NCOA1: variants seen among roughly 807,000 people sequenced by gnomAD.
NCOA1 encodes Hin-2 protein.
Under a neutral mutation model 150.9 loss-of-function variants are expected in NCOA1, and 35 were observed. That is an observed-to-expected ratio of 0.23 (90% CI 0.18 to 0.31). The LOEUF is 0.31. NCOA1 is among the 10% of genes least tolerant of loss of function. The pLI is 1.00. For missense variants in NCOA1, 1,491 were observed against 1,749.3 expected (o/e 0.85, Z 2.63); for synonymous variants, 590 against 630.0 (o/e 0.94, Z 0.95).
At chr2:24,654,069 A>G (rs930478683) in intron 4 of NCOA1, among the ~76,000 whole-genome samples, 1 of 152,162 alleles carries the variant, frequency 6.6e-6, no homozygotes, top group Non-Finnish European at 1.5e-5. Flanking sequence ...GGTTAATCTT[A>G]TTTATGCTTC....
chr2:24,709,600 T>C (rs1408445431), intron 13 of NCOA1, among the ~76,000 whole-genome samples: 1 of 152,266 alleles, frequency 6.6e-6, no homozygotes, highest in Non-Finnish European at 1.5e-5. Context: ...TGCTAAGGCT[T>C]ACCTTTTCTT....
At position 24,491,541 on chromosome 2, in the gene NCOA1, C is replaced by T. The variant is rs1333903127; in HGVS notation, c.-457C>T. Among the ~76,000 whole-genome samples the T allele has an allele frequency of 3.7e-3, 8 of 2,174 alleles. No individual in the cohort carries two copies. The highest frequency in any genetic ancestry group is 7.9e-3 in the Non-Finnish European group (7 of 886). The allele number at this position is 2,174 out of a possible 152,430, so 1.4% of individuals were successfully genotyped here. ...GGAGCGGCGGAGGCCGGGGCGGCGC[C>T]GCCGCCACGGTCGCGGACGAGTGCG... On this transcript the variant is annotated 5_prime_UTR_variant, in exon 1 of 23. Transcript: ENST00000348332.
chr2:24,560,581 C>T (rs571502474), intron 1 of NCOA1, among the ~76,000 whole-genome samples: 7 of 152,230 alleles, frequency 4.6e-5, no homozygotes, highest in South Asian at 2.1e-4. Context: ...CTCTCATCTG[C>T]GTCTTGATCA....
intron 1 of NCOA1, among the ~76,000 whole-genome samples, chr2:24,508,546 G>A: frequency 6.6e-6 from 1 of 151,856 alleles, no homozygotes. Context: ...TCTTTTTTGG[G>A]GGGAGAATTC....
chr2:24,757,609 G>A (rs1191582429), intron 20 of NCOA1, among the ~76,000 whole-genome samples: 1 of 150,466 alleles, frequency 6.6e-6, no homozygotes, highest in Non-Finnish European at 1.5e-5. Flanking sequence ...ATATATATAT[G>A]TATATATATG....
intron 4 of NCOA1, among the ~76,000 whole-genome samples, chr2:24,655,715 C>T (rs1670909200): frequency 6.6e-6 from 1 of 152,004 alleles, no homozygotes; most frequent in Non-Finnish European, 1.5e-5. Context: ...TTTTAGTAGT[C>T]CAGCAAAAGA....
chr2:24,508,810 A>G (rs723246), intron 1 of NCOA1, among the ~76,000 whole-genome samples: 2,671 of 152,246 alleles, frequency 0.018, 256 homozygotes, highest in Admixed American at 0.16. Context: ...GGACAAGACA[A>G]CTTTATAGAT....
At chr2:24,640,314 C>T (rs146294555) in intron 3 of NCOA1, among the ~76,000 whole-genome samples, 436 of 152,156 alleles carry the variant, frequency 2.9e-3, no homozygotes, top group Non-Finnish European at 4.9e-3. Flanking sequence ...TACTGTTCTA[C>T]GAGTGTTCAT....
chr2:24,654,926 T>G (rs922687323), intron 4 of NCOA1, among the ~76,000 whole-genome samples: 3 of 152,190 alleles, frequency 2.0e-5, no homozygotes, highest in Non-Finnish European at 4.4e-5. Flanking sequence ...TATCTCTCAC[T>G]TTTTCAGTGA....
chr2:24,737,731 A>T (rs1338485297), intron 17 of NCOA1, among the ~76,000 whole-genome samples: 1 of 152,162 alleles, frequency 6.6e-6, no homozygotes, highest in Non-Finnish European at 1.5e-5. Context: ...GCTGCCGTAG[A>T]TGTGTCCGTC....
intron 3 of NCOA1, among the ~76,000 whole-genome samples, chr2:24,635,096 T>C (rs2148441603): frequency 6.6e-6 from 1 of 152,112 alleles, no homozygotes; most frequent in South Asian, 2.1e-4. Flanking sequence ...TACTAAATAA[T>C]TAATATTTAG....
At chr2:24,699,527 T>A (rs149679125) in intron 11 of NCOA1, among the ~76,000 whole-genome samples, 2 of 152,298 alleles carry the variant, frequency 1.3e-5, no homozygotes, top group East Asian at 3.9e-4. Context: ...TCTTCCCCAT[T>A]AGTCATTTTT....
intron 2 of NCOA1, among the ~76,000 whole-genome samples, chr2:24,571,511 A>G (rs1055565397): frequency 1.3e-5 from 2 of 152,124 alleles, no homozygotes; most frequent in African/African-American, 2.4e-5. Context: ...TTAACTTGCA[A>G]AGGTTACCCA....
In NCOA1 at chr2:24,656,485, A is replaced by G. The variant is rs544666179; in HGVS notation, c.-17-2176A>G. Among the ~76,000 whole-genome samples, 9 of 151,896 alleles carry G rather than the reference A, an allele frequency of 5.9e-5. No homozygotes were observed. The East Asian group carries it at 1.3e-3, about 23-fold the overall frequency. On this transcript the variant is annotated intron_variant, in intron 4 of 22. Transcript: ENST00000348332. The stretch of plus-strand genomic sequence containing the variant: ...CATTTCTTCGCATTGGGAACATTCA[A>G]AATCTACTCTTTTTGCTATTCGAAA...
chr2:24,554,455 G>C (rs538853811), intron 1 of NCOA1: 2 of 152,234 alleles, frequency 1.3e-5, no homozygotes, highest in African/African-American at 4.8e-5. Flanking sequence ...AGAGAGAGGG[G>C]ACTTCGGAGA....
At position 24,519,356 on chromosome 2, in the gene NCOA1, G is replaced by C. The variant is rs1664329654; in HGVS notation, c.-396+27754G>C. The stretch of plus-strand genomic sequence containing the variant: ...TATAGAAATAGAAGATAGGTTAGTT[G>C]GTTGCTTAGGGCTAGGCTGGAAGGA... On this transcript the variant is annotated intron_variant, in intron 1 of 22. Coordinates refer to ENST00000348332, the MANE Select transcript of NCOA1 (RefSeq NM_003743.5). Among the ~76,000 whole-genome samples, 2 of 152,104 alleles carry C rather than the reference G, an allele frequency of 1.3e-5. 1 individual carries two copies. The highest frequency in any genetic ancestry group is 4.1e-4 in the South Asian group (2 of 4,822).
chr2:24,557,377 A>C (rs758291567), intron 1 of NCOA1, among the ~76,000 whole-genome samples: 1 of 152,082 alleles, frequency 6.6e-6, no homozygotes, highest in Admixed American at 6.6e-5. Context: ...TAACCCTACA[A>C]TGCAGTCTTA....
intron 3 of NCOA1, among the ~76,000 whole-genome samples, chr2:24,609,625 C>T (rs904802921): frequency 6.6e-6 from 1 of 152,070 alleles, no homozygotes; most frequent in African/African-American, 2.4e-5. Context: ...AGCGAGACCT[C>T]ATCTCTTAAA....
chr2:24,502,929 A>C (rs1663525367), intron 1 of NCOA1, among the ~76,000 whole-genome samples: 1 of 152,150 alleles, frequency 6.6e-6, no homozygotes, highest in African/African-American at 2.4e-5. Flanking sequence ...TATATGTACA[A>C]CCTTGTACCT....
Sources: allele counts gnomAD v4.1 joint callset (sites outside exome capture counted in the v4.1 genomes callset), GRCh38; gene constraint gnomAD v4.1.1; transcripts MANE v1.5; gene names NCBI Gene and HGNC (gene_info 2026-07-23, HGNC 2026-07-21).